The following MCM3AP variants were observed in gnomAD, a reference collection of about 807,000 sequenced individuals.
The protein encoded by MCM3AP is germinal-center associated nuclear protein.
MCM3AP carries 126 observed loss-of-function variants against 184.1 expected under a neutral mutation model. The ratio of observed to expected loss-of-function variants is 0.68; its 90% CI spans 0.59 to 0.79. The LOEUF is 0.79. Among genes scored for constraint, MCM3AP ranks in the 30% least tolerant of loss-of-function variants. MCM3AP has a pLI of 0.00. For missense variants in MCM3AP, 2,496 were observed against 2,479.2 expected (o/e 1.01, Z -0.14); for synonymous variants, 1,002 against 979.3 (o/e 1.02, Z -0.43).
At chr21:46,258,443 T>TG (rs1325339479) in intron 16 of MCM3AP, among the ~76,000 whole-genome samples, 3 of 152,226 alleles carry the variant, frequency 2.0e-5, no homozygotes, top group African/African-American at 7.2e-5. Context: ...GCTGAGATTA[T>TG]GATCATTATT....
At chr21:46,257,579 ATGTC>A (rs1286056115) in intron 16 of MCM3AP, among the ~76,000 whole-genome samples, 2 of 151,596 alleles carry the variant, frequency 1.3e-5, no homozygotes, top group Admixed American at 6.6e-5. Context: ...AACGGGTGAG[ATGTC>A]TGTCTGTACA....
intron 12 of MCM3AP, among the ~76,000 whole-genome samples, chr21:46,264,936 T>C (rs1301158329): frequency 6.7e-6 from 1 of 148,460 alleles, no homozygotes; most frequent in Non-Finnish European, 1.5e-5. Flanking sequence ...TGGGGTCCCA[T>C]CAGGGGGACA....
chr21:46,270,243 A>C, intron 9 of MCM3AP, 158 bp downstream of exon 9: 1 of 642,664 alleles, frequency 1.6e-6, no homozygotes, highest in Non-Finnish European at 2.7e-6. Context: ...ACCCCTATAA[A>C]ACAGGGCAAC....
chr21:46,242,061 T>C (rs1438509064), intron 25 of MCM3AP: 2 of 152,370 alleles, frequency 1.3e-5, no homozygotes, highest in African/African-American at 4.8e-5. Context: ...ATCACCTTAT[T>C]GAACTGAGAA....
Position 46,277,720 on chromosome 21 carries a change from A to G in MCM3AP, c.1668-3T>C. ...GACTTGGCTTCTTCACTGGAGAGCT[A>G]TAAAGTAAACACCACACTGAGGGCC... is the stretch of plus-strand genomic sequence containing the variant. On this transcript the variant is annotated splice_polypyrimidine_tract_variant and splice_region_variant and intron_variant, in intron 4 of 27. Coordinates refer to ENST00000291688, the MANE Select transcript of MCM3AP (RefSeq NM_003906.5). The G allele has an allele frequency of 6.4e-7, 1 of 1,560,510 alleles. No homozygotes were observed. Among genetic ancestry groups the G allele is most frequent in the Non-Finnish European group, 8.7e-7 (1 of 1,150,902 alleles).
chr21:46,242,506 G>A (rs1237586595), intron 25 of MCM3AP: 1 of 211,462 alleles, frequency 4.7e-6, no homozygotes, highest in Non-Finnish European at 9.3e-6. Flanking sequence ...AAGCATACTT[G>A]TGAACTTTTT....
At chr21:46,262,174 C>T (rs1192907053) in intron 13 of MCM3AP, among the ~76,000 whole-genome samples, 25 of 152,104 alleles carry the variant, frequency 1.6e-4, no homozygotes, top group Admixed American at 1.6e-3. Flanking sequence ...GACTTCCAAA[C>T]AAAGAAAGGT....
intron 5 of MCM3AP, 79 bp downstream of exon 5, chr21:46,277,448 A>G: frequency 1.8e-6 from 2 of 1,113,250 alleles, no homozygotes; most frequent in Non-Finnish European, 1.3e-6. Context: ...CCCAATGGAA[A>G]GGAGTTGCTC....
intron 16 of MCM3AP, among the ~76,000 whole-genome samples, chr21:46,258,712 C>T (rs1357387041): frequency 1.5e-5 from 2 of 133,606 alleles, no homozygotes; most frequent in Non-Finnish European, 3.3e-5. Context: ...CCCAATCTAA[C>T]TCCTGACTTT....
At chr21:46,239,020 A>G (rs970885115) in intron 26 of MCM3AP, among the ~76,000 whole-genome samples, 2 of 152,242 alleles carry the variant, frequency 1.3e-5, no homozygotes, top group African/African-American at 4.8e-5. Context: ...ACAGAAGCAG[A>G]CATTTGAGTA....
intron 15 of MCM3AP, among the ~76,000 whole-genome samples, chr21:46,259,665 C>T (rs997320800): frequency 1.3e-5 from 2 of 152,108 alleles, no homozygotes; most frequent in East Asian, 2.0e-4. Context: ...GTAATCCCAG[C>T]ACTTTGGGAG....
At chr21:46,280,364 G>A in intron 3 of MCM3AP, 133 bp downstream of exon 3, 1 of 829,014 alleles carries the variant, frequency 1.2e-6, no homozygotes, top group Non-Finnish European at 1.9e-6. Context: ...ATGAGAAACT[G>A]AAAAGAGGGC....
intron 1 of MCM3AP, 91 bp from the exon 2 acceptor site, chr21:46,283,929 G>A (rs746674926): frequency 1.4e-5 from 22 of 1,547,508 alleles, no homozygotes; most frequent in East Asian, 1.4e-4. Context: ...ATTTTCAGAT[G>A]TAAGACCTGC....
At position 46,266,013 on chromosome 21, in the gene MCM3AP, G is replaced by A; in HGVS notation, c.2943C>T (p.Cys981=). The part of the protein sequence containing the change: ...LPPVPRHTPV[C]SFNSQNKYIG... ...TGTACTTGTTCTGGGAGTTGAAGCT[G>A]CACACAGGGGTATGACGAGGGACGG... The change falls in exon 11 of 28, where the codon TGC becomes TGT. Residue 981 remains cysteine, a synonymous_variant. Coordinates refer to ENST00000291688, the MANE Select transcript of MCM3AP (RefSeq NM_003906.5). The A allele has an allele frequency of 6.2e-7, 1 of 1,610,458 alleles. No individual in the cohort carries two copies. The highest frequency in any genetic ancestry group is 8.5e-7 in the Non-Finnish European group (1 of 1,178,242).
At chr21:46,249,753 T>A (rs1445575172) in intron 20 of MCM3AP, 1 of 351,598 alleles carries the variant, frequency 2.8e-6, no homozygotes, top group African/African-American at 2.2e-5. Flanking sequence ...CACTGTCCTG[T>A]GCAGTCTGTG....
intron 2 of MCM3AP, among the ~76,000 whole-genome samples, chr21:46,282,746 A>G (rs1170061670): frequency 2.6e-5 from 4 of 151,428 alleles, no homozygotes; most frequent in African/African-American, 9.7e-5. Context: ...TGGAGCTTGC[A>G]GTGAGCCGAG....
At chr21:46,243,750 A>G (rs2080717054) in intron 23 of MCM3AP, 28 bp from the exon 24 acceptor site, 2 of 1,608,514 alleles carry the variant, frequency 1.2e-6, no homozygotes, top group Non-Finnish European at 8.5e-7. Context: ...CATTAGTTAC[A>G]GGTTTGGCCA....
At chr21:46,270,323 T>C (rs895141640) in intron 9 of MCM3AP, 78 bp downstream of exon 9, 35 of 1,403,906 alleles carry the variant, frequency 2.5e-5, no homozygotes, top group Admixed American at 1.9e-4. Context: ...TTTGAAAAGC[T>C]TGGAATAAGA....
chr21:46,259,131 G>C (rs1450673561), intron 15 of MCM3AP, 40 bp from the exon 16 acceptor site: 1 of 1,576,840 alleles, frequency 6.3e-7, no homozygotes, highest in Admixed American at 1.9e-5. Flanking sequence ...ACTGCACTTG[G>C]GGCCCACAGA....
Sources: allele counts gnomAD v4.1 joint callset (sites outside exome capture counted in the v4.1 genomes callset), GRCh38; gene constraint gnomAD v4.1.1; transcripts MANE v1.5; gene names NCBI Gene and HGNC (gene_info 2026-07-23, HGNC 2026-07-21).